The following CASP10 variants were observed in gnomAD, a reference collection of about 807,000 sequenced individuals.
CASP10 encodes the protein caspase-10.
In CASP10, 41 loss-of-function variants were observed where a neutral mutation model predicts 48.5. The observed-to-expected ratio is 0.85, with a 90% CI of 0.66 to 1.10. The LOEUF (loss-of-function observed/expected upper bound fraction) is 1.10, where lower values mean the gene tolerates loss of function less well. Among genes scored for constraint, CASP10 ranks in the 50% least tolerant of loss-of-function variants. The pLI, the probability that CASP10 is intolerant of heterozygous loss-of-function variation, is 0.00. For synonymous variants in CASP10, 232 were observed against 238.4 expected, an observed-to-expected ratio of 0.97 and a Z score of 0.25; for missense variants, 614 against 614.5, an observed-to-expected ratio of 1.00 and a Z score of 0.01.
intron 4 of CASP10, among the ~76,000 whole-genome samples, chr2:201,195,431 C>T (rs564238197): frequency 2.0e-5 from 3 of 152,232 alleles, no homozygotes; most frequent in South Asian, 2.1e-4. Flanking sequence ...TACAACCTAC[C>T]TGTGTGTGAT....
chr2:201,215,211 G>GTTT (rs10616229), intron 9 of CASP10, among the ~76,000 whole-genome samples: 8 of 29,904 alleles, frequency 2.7e-4, no homozygotes, highest in East Asian at 1.1e-3. Flanking sequence ...TCTTCCCTCG[G>GTTT]TTTTTTTTTT....
At chr2:201,226,178 A>G (rs966373102), downstream of CASP10, among the ~76,000 whole-genome samples, 3 of 152,240 alleles carry the variant, frequency 2.0e-5, no homozygotes, top group Non-Finnish European at 4.4e-5. Flanking sequence ...ATTAAAAGGA[A>G]ATACCAATGA....
At position 201,220,482 on chromosome 2, in the gene CASP10, C is replaced by G. The variant is rs1481895284; in HGVS notation, c.*2741C>G. ...CAGACTGGAGGGGGGTGGGGTGTAC[C>G]TACAGCTGCAGAAATATTGTATGGG... On this transcript the variant is annotated 3_prime_UTR_variant, in exon 10 of 10. Transcript: ENST00000286186. 8 of 153,748 alleles carry G rather than the reference C, an allele frequency of 5.2e-5. No individual in the cohort carries two copies. The Admixed American group carries it at 5.2e-4, about 10-fold the overall frequency. 9.5% of individuals were successfully genotyped at this position (153,748 alleles called of 1,614,324 possible).
intron 4 of CASP10, among the ~76,000 whole-genome samples, chr2:201,194,858 A>G (rs932439872): frequency 1.3e-5 from 2 of 152,132 alleles, no homozygotes; most frequent in Non-Finnish European, 2.9e-5. Flanking sequence ...GGCTCACTGC[A>G]AGATCTGCCT....
At chr2:201,222,832 A>G (rs1484461952), downstream of CASP10, among the ~76,000 whole-genome samples, 1 of 152,218 alleles carries the variant, frequency 6.6e-6, no homozygotes, top group Non-Finnish European at 1.5e-5. Context: ...CCCTTAATCA[A>G]TAATGATCAA....
chr2:201,186,214 T>C (rs1437128329), intron 2 of CASP10, 90 bp downstream of exon 2: 1 of 940,790 alleles, frequency 1.1e-6, no homozygotes, highest in Non-Finnish European at 1.7e-6. Flanking sequence ...GCAGTTAAGA[T>C]CTTTTGGTTA....
Position 201,203,731 on chromosome 2 carries a change from A to T in CASP10, c.686A>T (p.Gln229Leu). The change falls in exon 6 of 10, where the codon CAG (glutamine) becomes CTG (leucine). Residue 229 changes from glutamine (Q) to leucine (L), a missense_variant and splice_region_variant. Gln to Leu is a moderately radical substitution (Grantham distance 113). Transcript: ENST00000286186. ...DVKTFLEALP[Q>L]ESWQNKHAGS... Reference sequence around the variant, plus strand: ...ATGCCCTCCTTTCTTTTTTCTCAGCAGGAGTCCTGGCAAAATAAGCATGCA... The same window carrying T: ...ATGCCCTCCTTTCTTTTTTCTCAGCTGGAGTCCTGGCAAAATAAGCATGCA... 6.2e-7 allele frequency: 1 copy of T among 1,613,652 alleles called. No individual in the cohort carries two copies. Among genetic ancestry groups the T allele is most frequent in the Non-Finnish European group, 8.5e-7 (1 of 1,179,614 alleles).
intron 7 of CASP10, 23 bp downstream of exon 7, chr2:201,205,996 C>G: frequency 6.6e-7 from 1 of 1,521,700 alleles, no homozygotes; most frequent in Non-Finnish European, 9.1e-7. Flanking sequence ...TCTTTTATTC[C>G]TTTTTTAATA....
chr2:201,186,757 G>A (rs1396443191), intron 2 of CASP10, among the ~76,000 whole-genome samples: 2 of 152,156 alleles, frequency 1.3e-5, no homozygotes, highest in Admixed American at 1.3e-4. Context: ...CACCATCTCA[G>A]CTCACTGCAA....
At chr2:201,204,505 CAG>C (rs1945134682) in intron 6 of CASP10, among the ~76,000 whole-genome samples, 1 of 152,202 alleles carries the variant, frequency 6.6e-6, no homozygotes, top group African/African-American at 2.4e-5. Context: ...AGGCACTGTT[CAG>C]AGAGATTTCA....
chr2:201,199,056 A>G lies in CASP10; in HGVS notation c.684+3108A>G, dbSNP rs41489444. Among the ~76,000 whole-genome samples the G allele has an allele frequency of 1.6e-3, 243 of 152,174 alleles. 3 individuals carry two copies. In the East Asian group the frequency reaches 0.039, roughly 25 times the overall value. ...TTTGCTTTATTATTTTTGTGCATTT[A>G]CTCACACTTGCTCTCTTTCTCCCTT... On this transcript the variant is annotated intron_variant, in intron 5 of 9. Transcript: ENST00000286186.
chr2:201,186,785 C>G (rs1576063432), intron 2 of CASP10, among the ~76,000 whole-genome samples: 1 of 152,130 alleles, frequency 6.6e-6, no homozygotes, highest in Non-Finnish European at 1.5e-5. Flanking sequence ...TTCCTGGGTT[C>G]GAGCGATTCT....
intron 5 of CASP10, chr2:201,200,807 T>C (rs1944991697): frequency 3.0e-6 from 3 of 1,009,542 alleles, no homozygotes; most frequent in Middle Eastern, 4.5e-4. Flanking sequence ...CAATTATTTA[T>C]AAAATCTTAA....
chr2:201,190,011 T>C (rs1240409254), intron 3 of CASP10, among the ~76,000 whole-genome samples: 2 of 152,000 alleles, frequency 1.3e-5, no homozygotes, highest in Non-Finnish European at 2.9e-5. Flanking sequence ...AAAAAATAGT[T>C]CAATTGTCCC....
At position 201,205,948 on chromosome 2, in the gene CASP10, C is replaced by G. The variant is rs1438893689; in HGVS notation, c.788C>G (p.Thr263Ser). The G allele has an allele frequency of 4.3e-6, 7 of 1,612,556 alleles. No individual in the cohort carries two copies. Among genetic ancestry groups the G allele is most frequent in the Non-Finnish European group, 4.2e-6 (5 of 1,178,642 alleles). Residue 263 changes from threonine (T) to serine (S), a missense_variant, in exon 7 of 10, where the codon ACT becomes AGT. Transcript: ENST00000286186. ...GGGATGCAAGGAGCATCTGCTAACA[C>G]TCTAAACTCTGAAACCAGCACAAAG... Reference protein sequence around the residue: ...SRGMQGASANTLNSETSTKRA... With the variant: ...SRGMQGASANSLNSETSTKRA...
chr2:201,229,237 C>T lies in CASP10; in HGVS notation c.*154C>T, dbSNP rs1340530882. 9 of 817,788 alleles carry T rather than the reference C, an allele frequency of 1.1e-5. No individual in the cohort carries two copies. In the Admixed American group the frequency reaches 1.8e-4, roughly 17 times the overall value. 50.7% of individuals were successfully genotyped at this position (817,788 alleles called of 1,614,324 possible). Reference sequence around the variant, plus strand: ...TCTGAACGTGGCACTCTTCTGTTCCCTTACTGTTTCACGTGTACCTGTGTC... The same window carrying T: ...TCTGAACGTGGCACTCTTCTGTTCCTTTACTGTTTCACGTGTACCTGTGTC... On this transcript the variant is annotated 3_prime_UTR_variant, in exon 10 of 10. Transcript: ENST00000272879.
At position 201,221,265 on chromosome 2, in the gene CASP10, C is replaced by G. The variant is rs1246964501; in HGVS notation, c.*3524C>G. ...CGCAGCAGAAGGCCAGCTCTTGACT[C>G]TGAGTTCAGTTGGACAAAATGCTGT... On this transcript the variant is annotated 3_prime_UTR_variant, in exon 10 of 10. Transcript: ENST00000286186. The G allele has an allele frequency of 1.0e-6, 1 of 985,962 alleles. No individual in the cohort carries two copies. Among genetic ancestry groups the G allele is most frequent in the Non-Finnish European group, 1.2e-6 (1 of 830,406 alleles). The allele number at this position is 985,962 out of a possible 1,614,324, so 61.1% of individuals were successfully genotyped here.
At chr2:201,229,146 T>G in exon 10 of CASP10, 1 of 1,606,108 alleles carries the variant, frequency 6.2e-7, no homozygotes, top group Non-Finnish European at 8.5e-7. Context: ...GACAACGCCC[T>G]ACAGCAAGAC....
rs906569012 is a variant in CASP10, at chr2:201,219,012, G to T, written c.*1271G>T. 5.5e-5 allele frequency: 54 copies of T among 981,564 alleles called. No homozygotes were observed. The highest frequency in any genetic ancestry group is 6.4e-5 in the Non-Finnish European group (53 of 826,374). The allele number at this position is 981,564 out of a possible 1,614,324, so 60.8% of individuals were successfully genotyped here. A position where few individuals can be genotyped will look rare whatever the true frequency, so the allele number is the denominator to read the frequency against. ...GGACTGGGTGCGGTGACTCATGCCTGTAATCCCAGTACTCTGGGAAGCCAA... is the reference window on the plus strand; with the variant it reads ...GGACTGGGTGCGGTGACTCATGCCTTTAATCCCAGTACTCTGGGAAGCCAA... On this transcript the variant is annotated 3_prime_UTR_variant, in exon 10 of 10. Coordinates refer to ENST00000286186, the MANE Select transcript of CASP10 (RefSeq NM_032977.4).
Sources: gnomAD v4.1 joint callset for allele counts (sites outside exome capture counted in the v4.1 genomes callset) on GRCh38, gnomAD v4.1.1 for gene constraint, MANE v1.5 for transcripts, NCBI Gene and HGNC (gene_info 2026-07-23, HGNC 2026-07-21) for gene names.